Variants in ITSN2 observed in about 807,000 individuals in gnomAD.
ITSN2 encodes intersectin 2, also known as intersectin-2.
ITSN2 carries 156 observed loss-of-function variants against 243.7 expected under a neutral mutation model. That is an observed-to-expected ratio of 0.64 (90% CI 0.56 to 0.73). The LOEUF (loss-of-function observed/expected upper bound fraction) is 0.73, where lower values mean the gene tolerates loss of function less well. ITSN2 is among the 30% of genes least tolerant of loss of function. The pLI is 0.00. For synonymous variants in ITSN2, 703 were observed against 699.9 expected (o/e 1.00, Z -0.07); for missense variants, 1,801 against 1,996.1 (o/e 0.90, Z 1.86).
intron 17 of ITSN2, 29 bp from the exon 18 acceptor site, chr2:24,275,878 C>A: frequency 6.5e-7 from 1 of 1,537,836 alleles, no homozygotes; most frequent in Non-Finnish European, 8.8e-7. Context: ...TAAGTCAATA[C>A]GTGAATGATT....
chr2:24,257,729 T>C (rs1016867889), intron 23 of ITSN2, among the ~76,000 whole-genome samples, 159 bp downstream of exon 23: 4 of 152,116 alleles, frequency 2.6e-5, no homozygotes, highest in Admixed American at 6.5e-5. Context: ...AATGCTGGGA[T>C]TACAGGTGTG....
At chr2:24,275,009 C>T (rs1275506096) in intron 18 of ITSN2, among the ~76,000 whole-genome samples, 1 of 152,186 alleles carries the variant, frequency 6.6e-6, no homozygotes, top group Non-Finnish European at 1.5e-5. Flanking sequence ...TGTCTTACTT[C>T]TCCTTACTAT....
chr2:24,212,635 G>C lies in ITSN2; in HGVS notation c.4089+15C>G, dbSNP rs761981814. 1 of 1,591,860 alleles carries C rather than the reference G, an allele frequency of 6.3e-7. No individual in the cohort carries two copies. Among genetic ancestry groups the C allele is most frequent in the Non-Finnish European group, 8.6e-7 (1 of 1,167,414 alleles). Reference sequence around the variant, plus strand: ...GCTCCTAACTCAGACCCCACTGCCCGGCCTGCACACTCACACTTCTGATGA... The same window carrying C: ...GCTCCTAACTCAGACCCCACTGCCCCGCCTGCACACTCACACTTCTGATGA... On this transcript the variant is annotated intron_variant, in intron 33 of 39. Transcript: ENST00000355123.
At chr2:24,247,388 TC>T (rs1673526967) in intron 27 of ITSN2, among the ~76,000 whole-genome samples, 1 of 152,198 alleles carries the variant, frequency 6.6e-6, no homozygotes, top group Non-Finnish European at 1.5e-5. Context: ...GCCCCATGTG[TC>T]TCTTCCCTTG....
At chr2:24,345,681 ACATG>A (rs1687460222) in intron 1 of ITSN2, among the ~76,000 whole-genome samples, 4 of 152,284 alleles carry the variant, frequency 2.6e-5, no homozygotes, top group Admixed American at 2.6e-4. Context: ...GCTGTTAACA[ACATG>A]ACCTGTATCC....
intron 5 of ITSN2, chr2:24,311,525 C>A: frequency 6.0e-6 from 1 of 167,168 alleles, no homozygotes. Context: ...GAACTACAGG[C>A]ACACACCCCT....
Position 24,341,445 on chromosome 2 carries a change from A to G in ITSN2, c.-33-13330T>C, listed in dbSNP as rs115867130. ...ACACGAGAAATCGGGATACAGAGTT[A>G]AGAGTTTCAAGGAGAAAATGGTATT... On this transcript the variant is annotated intron_variant, in intron 1 of 39. Coordinates refer to ENST00000355123, the MANE Select transcript of ITSN2 (RefSeq NM_006277.3). Among the ~76,000 whole-genome samples the G allele has an allele frequency of 7.5e-3, 1,135 of 152,344 alleles. 8 individuals are homozygous for G. The highest frequency in any genetic ancestry group is 0.026 in the African/African-American group (1,094 of 41,568).
In ITSN2 at chr2:24,261,128, G is replaced by T. The variant is rs41281487; in HGVS notation, c.2660C>A (p.Ser887Tyr). ...TACCTGTCCATGAATAGGTGATACA[G>T]ATCCAGGGGACACAGTTCGAGTGAA... ...SAFTRTVSPGSVSPIHGQGQV... is the reference protein window; with the variant it reads ...SAFTRTVSPGYVSPIHGQGQV... The change falls in exon 22 of 40, where the codon TCT becomes TAT. Residue 887 changes from serine to tyrosine, a missense_variant. Coordinates refer to ENST00000355123, the MANE Select transcript of ITSN2 (RefSeq NM_006277.3). The T allele has an allele frequency of 1.2e-3, 1,967 of 1,613,830 alleles. 5 individuals are homozygous for T. The highest frequency in any genetic ancestry group is 2.0e-3 in the Middle Eastern group (12 of 6,058).
At chr2:24,256,784 T>C (rs188800135) in intron 23 of ITSN2, among the ~76,000 whole-genome samples, 7 of 152,248 alleles carry the variant, frequency 4.6e-5, no homozygotes, top group East Asian at 1.9e-4. Context: ...CCCAGCCTCA[T>C]TGAGCTTATG....
chr2:24,311,820 G>A (rs997705381), intron 5 of ITSN2, among the ~76,000 whole-genome samples: 2 of 152,006 alleles, frequency 1.3e-5, no homozygotes, highest in African/African-American at 2.4e-5. Context: ...CTCCCAAATC[G>A]AACCATTTCA....
At chr2:24,331,467 G>A (rs1362129613) in intron 1 of ITSN2, among the ~76,000 whole-genome samples, 8 of 152,104 alleles carry the variant, frequency 5.3e-5, no homozygotes, top group South Asian at 4.2e-4. Context: ...GAATGTCTCC[G>A]AAGCTGGACT....
intron 16 of ITSN2, among the ~76,000 whole-genome samples, chr2:24,285,427 TAA>T: frequency 6.6e-6 from 1 of 152,330 alleles, no homozygotes; most frequent in South Asian, 2.1e-4. Flanking sequence ...TTATTCTAAA[TAA>T]GTCAGCATGA....
chr2:24,300,515 C>T (rs759548848), intron 11 of ITSN2, among the ~76,000 whole-genome samples: 1 of 152,126 alleles, frequency 6.6e-6, no homozygotes, highest in Non-Finnish European at 1.5e-5. Context: ...GTCAGCAGTT[C>T]AAGACCGGCC....
At chr2:24,274,423 T>A (rs1305162672) in intron 18 of ITSN2, among the ~76,000 whole-genome samples, 1 of 151,846 alleles carries the variant, frequency 6.6e-6, no homozygotes, top group Non-Finnish European at 1.5e-5. Flanking sequence ...TCAAAAAAAA[T>A]TAGCAGGGAG....
chr2:24,213,123 G>A (rs1669653738), intron 32 of ITSN2, among the ~76,000 whole-genome samples: 1 of 152,022 alleles, frequency 6.6e-6, no homozygotes, highest in Non-Finnish European at 1.5e-5. Flanking sequence ...TGCTGGGACT[G>A]TCCCCTGCCC....
Position 24,298,689 on chromosome 2 carries a change from ATTC to A in ITSN2, c.1467_1469del (p.Lys489del), listed in dbSNP as rs1681315138. ...CCAGTGCTTCCAACTCAAGATGAAG[ATTC>A]TTCTTTTTAGAGTTTAACCTGACAA... On this transcript the variant is annotated inframe_deletion, in exon 13 of 40. Coordinates refer to ENST00000355123, the MANE Select transcript of ITSN2 (RefSeq NM_006277.3). The A allele has an allele frequency of 1.2e-6, 2 of 1,603,596 alleles. No homozygotes were observed. Among genetic ancestry groups the A allele is most frequent in the Non-Finnish European group, 1.7e-6 (2 of 1,177,292 alleles).
At chr2:24,246,744 T>G in intron 28 of ITSN2, 53 bp downstream of exon 28, 1 of 1,072,624 alleles carries the variant, frequency 9.3e-7, no homozygotes, top group Non-Finnish European at 1.4e-6. Context: ...AAGAAGTTGC[T>G]GAGTTTTAAC....
chr2:24,356,764 G>A (rs1007435061), intron 1 of ITSN2, among the ~76,000 whole-genome samples: 4 of 151,998 alleles, frequency 2.6e-5, no homozygotes, highest in Admixed American at 6.6e-5. Flanking sequence ...TTGGCAGGGC[G>A]TGGTGGCAGG....
chr2:24,267,381 T>TAA lies in ITSN2; in HGVS notation c.2355+3288_2355+3289dup, dbSNP rs11412953. Among the ~76,000 whole-genome samples the TAA allele has an allele frequency of 5.6e-3, 786 of 139,584 alleles. 6 individuals are homozygous for TAA. The highest frequency in any genetic ancestry group is 8.9e-3 in the Non-Finnish European group (573 of 64,522). The allele number at this position is 139,584 out of a possible 152,430, so 91.6% of individuals were successfully genotyped here. On this transcript the variant is annotated intron_variant, in intron 20 of 39. Coordinates refer to ENST00000355123, the MANE Select transcript of ITSN2 (RefSeq NM_006277.3). ...CACATGTATCCCAGAACTTAAAGTATAAAAAAAAAAAAAAAGTATGGTCTT... is the reference window on the plus strand; with the variant it reads ...CACATGTATCCCAGAACTTAAAGTATAAAAAAAAAAAAAAAAAGTATGGTCTT...
Sources: allele counts gnomAD v4.1 joint callset (sites outside exome capture counted in the v4.1 genomes callset), GRCh38; gene constraint gnomAD v4.1.1; transcripts MANE v1.5; gene names NCBI Gene and HGNC (gene_info 2026-07-23, HGNC 2026-07-21).